The following SYNJ2 variants were observed in gnomAD, a reference collection of about 807,000 sequenced individuals.
The protein encoded by SYNJ2 is polyphosphatidylinositol phosphatase SYNJ2.
A neutral mutation model predicts 141.3 loss-of-function variants in SYNJ2; 116 were observed. That is an observed-to-expected ratio of 0.82 (90% CI 0.71 to 0.96). SYNJ2 has a LOEUF of 0.96. SYNJ2 is among the 40% of genes least tolerant of loss of function. The probability of loss-of-function intolerance (pLI) is 0.00; values close to 1 mark genes in which losing one functional copy is unlikely to be tolerated. For synonymous variants in SYNJ2, 745 were observed against 777.7 expected, an observed-to-expected ratio of 0.96 and a Z score of 0.70; for missense variants, 1,873 against 1,934.8, an observed-to-expected ratio of 0.97 and a Z score of 0.60.
At chr6:158,065,125 C>G in intron 11 of SYNJ2, 134 bp downstream of exon 11, 3 of 1,159,002 alleles carry the variant, frequency 2.6e-6, no homozygotes, top group Non-Finnish European at 3.5e-6. Flanking sequence ...ATGCACCTTG[C>G]AGCTGTCACT....
chr6:157,989,427 AAT>A (rs34948131), intron 1 of SYNJ2, among the ~76,000 whole-genome samples: 6,189 of 95,904 alleles, frequency 0.065, 165 homozygotes, highest in Middle Eastern at 0.074. Context: ...TAAAAAAATG[AAT>A]ATATATATAT....
At position 158,097,176 on chromosome 6, in the gene SYNJ2, C is replaced by G. The variant is rs1288915045; in HGVS notation, c.*812C>G. On this transcript the variant is annotated 3_prime_UTR_variant, in exon 27 of 27. Coordinates refer to ENST00000355585, the MANE Select transcript of SYNJ2 (RefSeq NM_003898.4). Reference sequence around the variant, plus strand: ...ACGGATCCTTTGTTCCGCTTATATTCCATGCATACCACATAAAAGCACACA... The same window carrying G: ...ACGGATCCTTTGTTCCGCTTATATTGCATGCATACCACATAAAAGCACACA... 6.6e-6 allele frequency: 1 copy of G among 152,230 alleles called. No individual in the cohort carries two copies. Among genetic ancestry groups the G allele is most frequent in the African/African-American group, 2.4e-5 (1 of 41,454 alleles). 9.4% of individuals were successfully genotyped at this position (152,230 alleles called of 1,614,324 possible). A position where few individuals can be genotyped will look rare whatever the true frequency, so the allele number is the denominator to read the frequency against.
intron 18 of SYNJ2, 122 bp from the exon 19 acceptor site, chr6:158,080,987 A>G: frequency 1.1e-6 from 1 of 874,164 alleles, no homozygotes. Flanking sequence ...CCTGGGGGAC[A>G]GCAGCTGGGG....
chr6:158,062,520 G>T (rs1021585545), intron 8 of SYNJ2, among the ~76,000 whole-genome samples: 7 of 152,190 alleles, frequency 4.6e-5, no homozygotes, highest in Admixed American at 4.6e-4. Context: ...ACGCTGTGAC[G>T]CAGGCCTGTG....
At chr6:158,036,121 A>G (rs551803285) in intron 4 of SYNJ2, among the ~76,000 whole-genome samples, 1 of 152,336 alleles carries the variant, frequency 6.6e-6, no homozygotes, top group Admixed American at 6.5e-5. Context: ...ACCCCCTCAC[A>G]CAAGTCAAAT....
chr6:158,045,675 T>G (rs989119666), intron 5 of SYNJ2, among the ~76,000 whole-genome samples: 1 of 152,156 alleles, frequency 6.6e-6, no homozygotes, highest in Non-Finnish European at 1.5e-5. Flanking sequence ...TCCCTCCTGT[T>G]TCTAAGACTC....
At chr6:158,017,166 C>G (rs755016148) in intron 1 of SYNJ2, 38 bp from the exon 2 acceptor site, 5 of 1,604,958 alleles carry the variant, frequency 3.1e-6, no homozygotes, top group African/African-American at 1.3e-5. Context: ...GAGCAGGAGA[C>G]GCTCGCTGAT....
In SYNJ2 at chr6:158,027,126, C is replaced by T. The variant is rs1741584401; in HGVS notation, c.215-1630C>T. 1 of 985,278 alleles carries T rather than the reference C, an allele frequency of 1.0e-6. No individual in the cohort carries two copies. The highest frequency in any genetic ancestry group is 1.2e-6 in the Non-Finnish European group (1 of 829,940). The allele number at this position is 985,278 out of a possible 1,614,324, so 61.0% of individuals were successfully genotyped here. A position where few individuals can be genotyped will look rare whatever the true frequency, so the allele number is the denominator to read the frequency against. ...ACGCACTTTAATGACAGCCACACGC[C>T]ACCCTGCCACAAGCAGCGCTCTTCT... On this transcript the variant is annotated intron_variant, in intron 2 of 26. Coordinates refer to ENST00000355585, the MANE Select transcript of SYNJ2 (RefSeq NM_003898.4). The surrounding 1 kb of genome is among the most constrained non-coding windows in gnomAD (Gnocchi z 4.6).
At chr6:158,069,010 C>T (rs1271293641) in intron 13 of SYNJ2, among the ~76,000 whole-genome samples, 2 of 152,122 alleles carry the variant, frequency 1.3e-5, no homozygotes, top group African/African-American at 4.8e-5. Context: ...ATTTATGCTG[C>T]CAGAGGGAGC....
chr6:158,067,534 A>T (rs1562377202), intron 12 of SYNJ2: 1 of 985,470 alleles, frequency 1.0e-6, no homozygotes, highest in African/African-American at 1.7e-5. Flanking sequence ...TTGTCCAGTC[A>T]TCGTTGACTC....
intron 1 of SYNJ2, among the ~76,000 whole-genome samples, chr6:157,990,278 C>G (rs892184090): frequency 6.6e-6 from 1 of 152,162 alleles, no homozygotes; most frequent in African/African-American, 2.4e-5. Flanking sequence ...ATGGGGCTCT[C>G]GGGCACCTGG....
chr6:157,990,438 A>T (rs981080185), intron 1 of SYNJ2, among the ~76,000 whole-genome samples: 9 of 151,692 alleles, frequency 5.9e-5, no homozygotes, highest in African/African-American at 2.2e-4. Context: ...TCACCCCCGC[A>T]CGCCTGCTTC....
rs553065855 is a variant in SYNJ2, at chr6:158,053,797, C to G, written c.796-1170C>G. ...TCCACCCACCCACTCACCCACTTAC[C>G]TATCCATCCATCTTTCATCTACCCA... is the stretch of plus-strand genomic sequence containing the variant. On this transcript the variant is annotated intron_variant, in intron 5 of 26. Coordinates refer to ENST00000355585, the MANE Select transcript of SYNJ2 (RefSeq NM_003898.4). Among the ~76,000 whole-genome samples the G allele has an allele frequency of 2.6e-5, 4 of 151,108 alleles. No individual in the cohort carries two copies. The South Asian group carries it at 8.4e-4, about 32-fold the overall frequency.
In SYNJ2 at chr6:158,064,903, G is replaced by A. The variant is rs770904615; in HGVS notation, c.1437G>A (p.Glu479=). The change falls in exon 11 of 27, where the codon GAG becomes GAA. Residue 479 remains glutamate, a synonymous_variant. Coordinates refer to ENST00000355585, the MANE Select transcript of SYNJ2 (RefSeq NM_003898.4). ...QSNFFDGVKQ[E]AIKLLLVGDV... is the part of the protein sequence containing the mutation. ...ACTTCTTCGACGGGGTGAAGCAGGA[G>A]GCCATCAAGCTGCTGCTGGTTGGGG... The A allele has an allele frequency of 1.1e-5, 17 of 1,613,724 alleles. No individual in the cohort carries two copies. In the Admixed American group the frequency reaches 2.8e-4, roughly 27 times the overall value.
At position 158,069,693 on chromosome 6, in the gene SYNJ2, A is replaced by G; in HGVS notation, c.1940+20A>G. The G allele has an allele frequency of 6.3e-7, 1 of 1,596,530 alleles. No homozygotes were observed. Among genetic ancestry groups the G allele is most frequent in the Non-Finnish European group, 8.6e-7 (1 of 1,167,800 alleles). On this transcript the variant is annotated intron_variant, in intron 14 of 26. Coordinates refer to ENST00000355585, the MANE Select transcript of SYNJ2 (RefSeq NM_003898.4). ...CATCAGGTAAGAACATTCTGTTTAC[A>G]CACATCTGGGGAACAAGGGGTTGTT...
intron 1 of SYNJ2, among the ~76,000 whole-genome samples, chr6:157,991,665 C>T (rs1223086278): frequency 6.6e-6 from 1 of 152,194 alleles, no homozygotes. Flanking sequence ...ATCGCTACTT[C>T]ACACACCTAA....
chr6:158,005,685 G>A (rs142738072), intron 1 of SYNJ2, among the ~76,000 whole-genome samples: 559 of 152,146 alleles, frequency 3.7e-3, no homozygotes, highest in Middle Eastern at 0.014. Flanking sequence ...CCTTTCACTT[G>A]CGTTTCTGTG....
At chr6:158,090,768 C>T (rs902809637) in intron 25 of SYNJ2, among the ~76,000 whole-genome samples, 7 of 151,848 alleles carry the variant, frequency 4.6e-5, no homozygotes, top group East Asian at 3.9e-4. Context: ...TGGTCTTGAA[C>T]TCCCAACCTC....
chr6:158,081,351 G>A, intron 19 of SYNJ2, 24 bp downstream of exon 19: 1 of 1,612,566 alleles, frequency 6.2e-7, no homozygotes, highest in Non-Finnish European at 8.5e-7. Flanking sequence ...TGGCTGATGT[G>A]GGTTCCAGGG....
Sources: allele counts gnomAD v4.1 joint callset (sites outside exome capture counted in the v4.1 genomes callset), GRCh38; gene constraint gnomAD v4.1.1; non-coding constraint Gnocchi (gnomAD v3.1); transcripts MANE v1.5; gene names NCBI Gene and HGNC (gene_info 2026-07-23, HGNC 2026-07-21).